DIPK1B: variants seen among roughly 807,000 people sequenced by gnomAD.
DIPK1B encodes the protein family with sequence similarity 69 member B.
Under a neutral mutation model 20.7 loss-of-function variants are expected in DIPK1B, and 17 were observed. That is an observed-to-expected ratio of 0.82 (90% CI 0.56 to 1.23). The LOEUF (loss-of-function observed/expected upper bound fraction) is 1.23, where lower values mean the gene tolerates loss of function less well. DIPK1B is among the 50% of genes most tolerant of loss of function. The probability of loss-of-function intolerance (pLI) is 0.00; values close to 1 mark genes in which losing one functional copy is unlikely to be tolerated. For missense variants in DIPK1B, 648 were observed against 601.8 expected (o/e 1.08, Z -0.80); for synonymous variants, 343 against 276.5 (o/e 1.24, Z -2.39).
At chr9:136,717,964 G>A (rs956484771) in intron 2 of DIPK1B, among the ~76,000 whole-genome samples, 8 of 151,262 alleles carry the variant, frequency 5.3e-5, no homozygotes, top group Non-Finnish European at 7.4e-5. Context: ...TGGGGGAGAC[G>A]TGGGGGCTGG....
chr9:136,716,787 G>C (rs1588281195), intron 1 of DIPK1B, among the ~76,000 whole-genome samples: 3 of 152,192 alleles, frequency 2.0e-5, no homozygotes, highest in Middle Eastern at 3.4e-3. Context: ...TTGTGGGTCT[G>C]GTCCGGCCGG....
In DIPK1B at chr9:136,712,583, G is replaced by A; in HGVS notation, c.-83G>A. 1.7e-6 allele frequency: 1 copy of A among 585,000 alleles called. No individual in the cohort carries two copies. The highest frequency in any genetic ancestry group is 2.1e-6 in the Non-Finnish European group (1 of 466,830). 36.2% of individuals were successfully genotyped at this position (585,000 alleles called of 1,614,324 possible). A position where few individuals can be genotyped will look rare whatever the true frequency, so the allele number is the denominator to read the frequency against. ...GGCGCGCGGCCCGCATGGCGAGGGA[G>A]CGGCGGCCGCTGCGGGCCGGGCCGG... On this transcript the variant is annotated 5_prime_UTR_variant, in exon 1 of 5. Coordinates refer to ENST00000371692, the MANE Select transcript of DIPK1B (RefSeq NM_152421.4). The surrounding 1 kb of genome is among the most constrained non-coding windows in gnomAD (Gnocchi z 5.6).
chr9:136,722,757 C>G (rs1293640223), intron 4 of DIPK1B: 1 of 630,810 alleles, frequency 1.6e-6, no homozygotes, highest in Non-Finnish European at 2.7e-6. Context: ...GTCTGTCTGG[C>G]AGCAGCCACA....
At chr9:136,717,957 G>C (rs1846524936) in intron 2 of DIPK1B, among the ~76,000 whole-genome samples, 1 of 151,738 alleles carries the variant, frequency 6.6e-6, no homozygotes. Context: ...AGGAGGATGG[G>C]GGAGACGTGG....
intron 4 of DIPK1B, 137 bp downstream of exon 4, chr9:136,722,438 C>T: frequency 9.5e-7 from 1 of 1,052,806 alleles, no homozygotes; most frequent in South Asian, 1.6e-5. Context: ...TCCCATCCCC[C>T]AGCCCCTGGG....
At chr9:136,721,715 T>TCATTAAAAAA in intron 2 of DIPK1B, 1 of 574,294 alleles carries the variant, frequency 1.7e-6, no homozygotes, top group East Asian at 2.9e-5. Context: ...GACCGGAGGG[T>TCATTAAAAAA]TGGCGGGGCT....
chr9:136,723,381 C>T lies in DIPK1B; in HGVS notation c.903C>T (p.Ala301=). Reference sequence around the variant, plus strand: ...TCTACATGTGTGAGACCACACTGGCCAACGTGGGCTACACAGCCACCTACG... The same window carrying T: ...TCTACATGTGTGAGACCACACTGGCTAACGTGGGCTACACAGCCACCTACG... The part of the protein sequence containing the change: ...GTFYMCETTL[A]NVGYTATYDF... Residue 301 remains alanine, a synonymous_variant, in exon 5 of 5, where the codon GCC becomes GCT. Coordinates refer to ENST00000371692, the MANE Select transcript of DIPK1B (RefSeq NM_152421.4). 5 of 1,613,346 alleles carry T rather than the reference C, an allele frequency of 3.1e-6. No individual in the cohort carries two copies. In the South Asian group the frequency reaches 4.4e-5, roughly 14 times the overall value.
chr9:136,716,856 G>A (rs905824962), intron 1 of DIPK1B, among the ~76,000 whole-genome samples: 4 of 151,918 alleles, frequency 2.6e-5, no homozygotes, highest in African/African-American at 4.8e-5. Flanking sequence ...AGTGTCTCTC[G>A]CGGTGGGCGC....
chr9:136,720,515 C>A (rs1000381046), intron 2 of DIPK1B, among the ~76,000 whole-genome samples: 1 of 152,178 alleles, frequency 6.6e-6, no homozygotes, highest in African/African-American at 2.4e-5. Flanking sequence ...CCATCACCTC[C>A]CGTGGGGCGC....
intron 1 of DIPK1B, among the ~76,000 whole-genome samples, chr9:136,714,590 C>T (rs968511): frequency 0.46 from 70,129 of 152,130 alleles, 16,615 homozygotes; most frequent in African/African-American, 0.55. Flanking sequence ...CGGAGCCATC[C>T]GACCTTATCC....
At position 136,724,407 on chromosome 9, in the gene DIPK1B, C is replaced by G. The variant is rs185818259; in HGVS notation, c.*633C>G. On this transcript the variant is annotated 3_prime_UTR_variant, in exon 5 of 5. Coordinates refer to ENST00000371692, the MANE Select transcript of DIPK1B (RefSeq NM_152421.4). ...AAATCCAGCCATGAGATGTACAACT[C>G]ATTCCCTAGGAAACAGCCCAGGAAT... is the stretch of plus-strand genomic sequence containing the variant. Among the ~76,000 whole-genome samples the G allele has an allele frequency of 8.5e-5, 13 of 152,342 alleles. No individual in the cohort carries two copies. The East Asian group carries it at 2.5e-3, about 29-fold the overall frequency.
At chr9:136,722,653 C>CTGAG in intron 4 of DIPK1B, 1 of 563,198 alleles carries the variant, frequency 1.8e-6, no homozygotes, top group Admixed American at 3.2e-5. Context: ...TGCCCTGTGC[C>CTGAG]GATTCTCATC....
intron 1 of DIPK1B, among the ~76,000 whole-genome samples, chr9:136,714,963 G>A (rs1846476279): frequency 6.6e-6 from 1 of 152,272 alleles, no homozygotes. Flanking sequence ...TTGAGGAGCT[G>A]GTGGCCCCAT....
chr9:136,723,820 G>A lies in DIPK1B; in HGVS notation c.*46G>A. ...CCACCCTTCCTGGAGCTGGCCAGGT[G>A]CCAGGGTCCAACCCTCCCTCAAGGA... On this transcript the variant is annotated 3_prime_UTR_variant, in exon 5 of 5. Coordinates refer to ENST00000371692, the MANE Select transcript of DIPK1B (RefSeq NM_152421.4). 1 of 1,505,900 alleles carries A rather than the reference G, an allele frequency of 6.6e-7. No individual in the cohort carries two copies. The highest frequency in any genetic ancestry group is 1.2e-5 in the South Asian group (1 of 82,192). The allele number at this position is 1,505,900 out of a possible 1,614,324, so 93.3% of individuals were successfully genotyped here.
intron 2 of DIPK1B, among the ~76,000 whole-genome samples, chr9:136,720,103 G>A (rs1846572973): frequency 6.6e-6 from 1 of 152,092 alleles, no homozygotes; most frequent in African/African-American, 2.4e-5. Flanking sequence ...TGTGTGGTCT[G>A]GGGCTCTGGG....
chr9:136,722,865 G>A (rs559723917), intron 4 of DIPK1B, 97 bp from the exon 5 acceptor site: 41 of 1,318,890 alleles, frequency 3.1e-5, no homozygotes, highest in Non-Finnish European at 3.8e-5. Flanking sequence ...TGGTCTGGCC[G>A]GCAGACCACC....
At chr9:136,719,407 A>T (rs1038201357) in intron 2 of DIPK1B, among the ~76,000 whole-genome samples, 67 of 152,232 alleles carry the variant, frequency 4.4e-4, no homozygotes, top group African/African-American at 1.6e-3. Flanking sequence ...TTCCCAGAGG[A>T]GGTTCCCTGC....
At position 136,724,357 on chromosome 9, in the gene DIPK1B, C is replaced by T. The variant is rs538943817; in HGVS notation, c.*583C>T. ...GTTCCAGTAAGAAAACAGATATATG[C>T]GGTATTTTAAAAACTGATTTTACAA... On this transcript the variant is annotated 3_prime_UTR_variant, in exon 5 of 5. Coordinates refer to ENST00000371692, the MANE Select transcript of DIPK1B (RefSeq NM_152421.4). Among the ~76,000 whole-genome samples, 153 of 152,272 alleles carry T rather than the reference C, an allele frequency of 1.0e-3. No homozygotes were observed. The highest frequency in any genetic ancestry group is 1.9e-3 in the Non-Finnish European group (126 of 68,026).
In DIPK1B at chr9:136,721,916, C is replaced by T. The variant is rs371041821; in HGVS notation, c.199-5C>T. 24 of 1,612,698 alleles carry T rather than the reference C, an allele frequency of 1.5e-5. No homozygotes were observed. In the African/African-American group the frequency reaches 2.9e-4, roughly 20 times the overall value. The stretch of plus-strand genomic sequence containing the variant: ...CGCCCGGCACGCCTGCACCTGTCTC[C>T]TCAGTGTGACCAGTACCGCAAGGGG... On this transcript the variant is annotated splice_polypyrimidine_tract_variant and splice_region_variant and intron_variant, in intron 2 of 4. Coordinates refer to ENST00000371692, the MANE Select transcript of DIPK1B (RefSeq NM_152421.4).
Sources: gnomAD v4.1 joint callset for allele counts (sites outside exome capture counted in the v4.1 genomes callset) on GRCh38, gnomAD v4.1.1 for gene constraint, Gnocchi (gnomAD v3.1) non-coding constraint, MANE v1.5 for transcripts, NCBI Gene and HGNC (gene_info 2026-07-23, HGNC 2026-07-21) for gene names.